ARHGAP42: variants seen among roughly 807,000 people sequenced by gnomAD.
ARHGAP42 encodes the protein rho GTPase-activating protein 42.
In ARHGAP42, 63 loss-of-function variants were observed where a neutral mutation model predicts 125.0. The ratio of observed to expected loss-of-function variants is 0.50; its 90% CI spans 0.41 to 0.62. The LOEUF is 0.62. ARHGAP42 is among the 20% of genes least tolerant of loss of function. The probability of loss-of-function intolerance (pLI) is 0.00; values close to 1 mark genes in which losing one functional copy is unlikely to be tolerated. For synonymous variants in ARHGAP42, 339 were observed against 351.0 expected (o/e 0.97, Z 0.38); for missense variants, 766 against 1,024.2 (o/e 0.75, Z 3.44).
chr11:100,778,005 G>C (rs1863171321), intron 2 of ARHGAP42, among the ~76,000 whole-genome samples: 2 of 152,006 alleles, frequency 1.3e-5, no homozygotes, highest in African/African-American at 4.8e-5. Context: ...TGAGGCCCCA[G>C]TTCTATAAAA....
At chr11:100,961,317 T>G (rs72999801) in intron 14 of ARHGAP42, among the ~76,000 whole-genome samples, 9,521 of 152,184 alleles carry the variant, frequency 0.063, 367 homozygotes, top group Admixed American at 0.089. Flanking sequence ...AACGTCTTTG[T>G]GTCTCAGCCT....
chr11:100,797,692 A>G (rs1448526026), intron 3 of ARHGAP42, among the ~76,000 whole-genome samples: 1 of 152,188 alleles, frequency 6.6e-6, no homozygotes, highest in Non-Finnish European at 1.5e-5. Flanking sequence ...TGTGCAAGGA[A>G]ATTAGTGTTT....
At chr11:100,883,450 C>G (rs1053529564) in intron 4 of ARHGAP42, among the ~76,000 whole-genome samples, 1 of 152,154 alleles carries the variant, frequency 6.6e-6, no homozygotes, top group African/African-American at 2.4e-5. Context: ...TCAAGCAATT[C>G]TCCTGCCTCA....
At position 100,770,435 on chromosome 11, in the gene ARHGAP42, A is replaced by G; in HGVS notation, c.247A>G (p.Ile83Val). The G allele has an allele frequency of 6.5e-7, 1 of 1,544,302 alleles. No individual in the cohort carries two copies. The highest frequency in any genetic ancestry group is 8.8e-7 in the Non-Finnish European group (1 of 1,141,310). The change falls in exon 2 of 24, where the codon ATT becomes GTT. Residue 83 changes from isoleucine (I) to valine (V), a missense_variant. Ile to Val is a conservative substitution (Grantham distance 29). This residue lies in a region of ARHGAP42 where 455 missense variants were observed against 636.5 expected (regional missense o/e 0.71). Transcript: ENST00000298815. ...TGCTGAAACAGATGATGAAATTAGT[A>G]TTGGTAAGTACTACTGTTTTAGAAA... is the stretch of plus-strand genomic sequence containing the variant. ...GDAETDDEIS[I>V]AQSLKEFARL... is the part of the protein sequence containing the mutation.
intron 1 of ARHGAP42, among the ~76,000 whole-genome samples, chr11:100,710,965 G>A (rs61910470): frequency 0.062 from 9,460 of 152,254 alleles, 410 homozygotes; most frequent in East Asian, 0.21. Context: ...ACATGCATGT[G>A]TGCATTAACA....
intron 1 of ARHGAP42, among the ~76,000 whole-genome samples, chr11:100,712,647 C>T (rs962647723): frequency 3.3e-5 from 5 of 152,002 alleles, no homozygotes; most frequent in Non-Finnish European, 5.9e-5. Context: ...CCAGAGTGCA[C>T]GTGGGTTTTC....
In ARHGAP42 at chr11:100,868,928, T is replaced by C. The variant is rs371508390; in HGVS notation, c.384+9303T>C. Among the ~76,000 whole-genome samples, 6 of 152,266 alleles carry C rather than the reference T, an allele frequency of 3.9e-5. No homozygotes were observed. In the East Asian group the frequency reaches 5.8e-4, roughly 15 times the overall value. On this transcript the variant is annotated intron_variant, in intron 4 of 23. Transcript: ENST00000298815. ...GTAAGTACTAAAATGTTAATTGTTT[T>C]TATTTTATAATTATTCATAATTATT...
At chr11:100,982,783 A>G (rs796939248) in intron 22 of ARHGAP42, among the ~76,000 whole-genome samples, 6 of 152,322 alleles carry the variant, frequency 3.9e-5, no homozygotes, top group African/African-American at 1.4e-4. Flanking sequence ...ATTTTAAAAG[A>G]CAAATATTTT....
intron 1 of ARHGAP42, among the ~76,000 whole-genome samples, chr11:100,750,467 G>A (rs1862421125): frequency 7.0e-6 from 1 of 142,824 alleles, no homozygotes. Context: ...TGGAGAATGA[G>A]TCAGGGCAGA....
chr11:100,875,103 C>G (rs56191288), intron 4 of ARHGAP42, among the ~76,000 whole-genome samples: 67 of 52,920 alleles, frequency 1.3e-3, no homozygotes, highest in Admixed American at 3.0e-3. Flanking sequence ...CTCTCTCTCT[C>G]TCTCTGTGTG....
chr11:100,817,156 C>G (rs188416523), intron 3 of ARHGAP42, among the ~76,000 whole-genome samples: 1 of 152,310 alleles, frequency 6.6e-6, no homozygotes, highest in East Asian at 1.9e-4. Context: ...GGGTGCTTTC[C>G]TATTCCACAG....
intron 4 of ARHGAP42, among the ~76,000 whole-genome samples, chr11:100,903,301 TTTTA>T (rs1322418757): frequency 1.1e-4 from 16 of 152,190 alleles, no homozygotes; most frequent in African/African-American, 3.9e-4. Context: ...CATCTGTTAT[TTTTA>T]GTCAGATCCA....
At chr11:100,897,280 T>A (rs575907252) in intron 4 of ARHGAP42, among the ~76,000 whole-genome samples, 3 of 152,330 alleles carry the variant, frequency 2.0e-5, no homozygotes, top group South Asian at 4.1e-4. Flanking sequence ...GCATGATGCC[T>A]CCAGCTTTGT....
intron 3 of ARHGAP42, among the ~76,000 whole-genome samples, chr11:100,842,258 T>G (rs1214608321): frequency 6.6e-6 from 1 of 152,170 alleles, no homozygotes. Context: ...ATGCATAAAC[T>G]GAGAAGGGAA....
chr11:100,970,296 G>C (rs1352086836), intron 17 of ARHGAP42, among the ~76,000 whole-genome samples: 1 of 152,042 alleles, frequency 6.6e-6, no homozygotes, highest in Non-Finnish European at 1.5e-5. Context: ...GACTAATTCA[G>C]TATCTTTAGT....
At chr11:100,801,912 A>C (rs188184222) in intron 3 of ARHGAP42, among the ~76,000 whole-genome samples, 197 of 152,344 alleles carry the variant, frequency 1.3e-3, no homozygotes, top group African/African-American at 4.6e-3. Flanking sequence ...TATTACTTAA[A>C]AGGTGAGGAT....
At chr11:100,813,510 C>T (rs1864195974) in intron 3 of ARHGAP42, among the ~76,000 whole-genome samples, 1 of 152,088 alleles carries the variant, frequency 6.6e-6, no homozygotes, top group Non-Finnish European at 1.5e-5. Flanking sequence ...GGGGAGAGAT[C>T]AGAGCTGGAA....
chr11:100,779,649 T>C lies in ARHGAP42; in HGVS notation c.250+9211T>C, dbSNP rs1369453667. On this transcript the variant is annotated intron_variant, in intron 2 of 23. Transcript: ENST00000298815. ...TATGGTTCTTTTCAGTATGCTAATC[T>C]AAATTTTCAGAGGGTAATAGGTCAT... 2.0e-5 allele frequency among the ~76,000 whole-genome samples: 3 copies of C among 150,700 alleles called. No individual in the cohort carries two copies. In the East Asian group the frequency reaches 5.9e-4, roughly 30 times the overall value.
At chr11:100,702,061 G>C (rs1861407031) in intron 1 of ARHGAP42, among the ~76,000 whole-genome samples, 1 of 151,886 alleles carries the variant, frequency 6.6e-6, no homozygotes, top group African/African-American at 2.4e-5. Flanking sequence ...AAGGTGGGCA[G>C]ATTGCTTGAG....
Sources: gnomAD v4.1 joint callset for allele counts (sites outside exome capture counted in the v4.1 genomes callset) on GRCh38, gnomAD v4.1.1 for gene constraint, gnomAD v4.1.1 regional missense constraint, MANE v1.5 for transcripts, NCBI Gene and HGNC (gene_info 2026-07-23, HGNC 2026-07-21) for gene names.